THAP12: variants seen among roughly 807,000 people sequenced by gnomAD.
The protein encoded by THAP12 is THAP domain containing 12, also known as 52 kDa repressor of the inhibitor of the protein kinase.
In THAP12, 20 loss-of-function variants were observed where a neutral mutation model predicts 63.0. That is an observed-to-expected ratio of 0.32 (90% CI 0.22 to 0.46). THAP12 has a LOEUF of 0.46. Ranked by LOEUF, THAP12 falls within the 20% of genes least tolerant of loss-of-function variation. The pLI is 1.00. For synonymous variants in THAP12, 264 were observed against 328.4 expected (o/e 0.80, Z 2.12); for missense variants, 568 against 908.2 (o/e 0.63, Z 4.81).
At position 76,351,529 on chromosome 11, in the gene THAP12, T is replaced by C; in HGVS notation, c.1621A>G (p.Asn541Asp). 2 of 1,561,396 alleles carry C rather than the reference T, an allele frequency of 1.3e-6. No individual in the cohort carries two copies. The highest frequency in any genetic ancestry group is 1.9e-5 in the Admixed American group (1 of 52,526). Residue 541 changes from asparagine to aspartate, a missense_variant, in exon 5 of 5, where the codon AAT (asparagine) becomes GAT (aspartate). Asn to Asp is a conservative substitution (Grantham distance 23). Transcript: ENST00000260045. The part of the protein sequence containing the change: ...YHEFWFEEAT[N>D]LATKLDIQMK... The stretch of plus-strand genomic sequence containing the variant: ...TGAATATCAAGTTTGGTTGCCAAAT[T>C]TGTGGCTTCCTCAAACCAAAATTCA...
chr11:76,359,726 C>T (rs1946584886), intron 3 of THAP12, among the ~76,000 whole-genome samples: 1 of 151,232 alleles, frequency 6.6e-6, no homozygotes, highest in Admixed American at 6.7e-5. Flanking sequence ...ACTTGGAAGG[C>T]TGAGGCAGGA....
At chr11:76,359,028 A>T (rs1946580099) in intron 3 of THAP12, 2 of 152,190 alleles carry the variant, frequency 1.3e-5, no homozygotes, top group African/African-American at 4.8e-5. Flanking sequence ...ATTTCTCCTT[A>T]TTTGCAGATG....
rs142685813 is a variant in THAP12 at position 76,352,535 on chromosome 11, C to T, written c.615G>A (p.Leu205=). The T allele has an allele frequency of 1.2e-6, 2 of 1,611,918 alleles. No individual in the cohort carries two copies. Among genetic ancestry groups the T allele is most frequent in the African/African-American group, 2.7e-5 (2 of 74,864 alleles). Residue 205 remains leucine, a synonymous_variant, in exon 5 of 5, where the codon CTG becomes CTA. Transcript: ENST00000260045. ...LFTPDNFQAL[L]ECRINSGEEV... ...CTTCACCAGAATTTATCCGACACTC[C>T]AGCAGTGCCTGAAAGTTATCTGGAG...
chr11:76,380,083 G>A (rs573359783), intron 1 of THAP12, among the ~76,000 whole-genome samples: 30 of 152,264 alleles, frequency 2.0e-4, no homozygotes, highest in African/African-American at 7.0e-4. Context: ...CAGTCCCTAT[G>A]CTATCATTCC....
rs1946536129 is a variant in THAP12 at position 76,352,724 on chromosome 11, T to C, written c.426A>G (p.Glu142=). The C allele has an allele frequency of 4.4e-6, 7 of 1,604,534 alleles. No homozygotes were observed. In the East Asian group the frequency reaches 1.6e-4, roughly 36 times the overall value. ...CCTCATCTTGCCCTTCACCCTCTTC[T>C]TCGCTGGGGTTCTGAGCATTGCTAT... The part of the protein sequence containing the change: ...TNNSNAQNPS[E]EEGEGQDEDI... The change falls in exon 5 of 5, where the codon GAA becomes GAG. Residue 142 remains glutamate (E), a synonymous_variant. Coordinates refer to ENST00000260045, the MANE Select transcript of THAP12 (RefSeq NM_004705.4).
chr11:76,380,379 T>G (rs1946745474), intron 1 of THAP12, among the ~76,000 whole-genome samples: 1 of 152,162 alleles, frequency 6.6e-6, no homozygotes, highest in African/African-American at 2.4e-5. Flanking sequence ...AGTCCTGCTC[T>G]CTTTTGACAG....
At chr11:76,368,961 A>G (rs1946651582) in intron 1 of THAP12, among the ~76,000 whole-genome samples, 1 of 152,244 alleles carries the variant, frequency 6.6e-6, no homozygotes, top group African/African-American at 2.4e-5. Context: ...TAAGAGTGAA[A>G]TGGCAGACCA....
rs560548261 is a variant in THAP12 at position 76,360,691 on chromosome 11, G to A, written c.318+265C>T. Among the ~76,000 whole-genome samples the A allele has an allele frequency of 1.4e-3, 217 of 152,206 alleles. 1 individual carries two copies. Among genetic ancestry groups the A allele is most frequent in the African/African-American group, 5.1e-3 (211 of 41,526 alleles). ...AGCTTTTTCCTTCTTCTCCAGAAGGGAATGAGCTAGTGGCCTGTAATTAAC... is the reference window on the plus strand; with the variant it reads ...AGCTTTTTCCTTCTTCTCCAGAAGGAAATGAGCTAGTGGCCTGTAATTAAC... On this transcript the variant is annotated intron_variant, in intron 3 of 4. Transcript: ENST00000260045.
chr11:76,353,979 A>T (rs1447145488), intron 4 of THAP12, among the ~76,000 whole-genome samples: 1 of 152,268 alleles, frequency 6.6e-6, no homozygotes, highest in Non-Finnish European at 1.5e-5. Context: ...ACTGCACTCC[A>T]GCCTGGGCAA....
At chr11:76,362,999 G>C (rs1400294614) in intron 2 of THAP12, among the ~76,000 whole-genome samples, 2 of 152,016 alleles carry the variant, frequency 1.3e-5, no homozygotes, top group Non-Finnish European at 2.9e-5. Context: ...AAAAATTAGC[G>C]AGGTATGGTG....
chr11:76,376,108 T>C (rs1946708070), intron 1 of THAP12, among the ~76,000 whole-genome samples: 1 of 152,118 alleles, frequency 6.6e-6, no homozygotes, highest in Admixed American at 6.5e-5. Flanking sequence ...TTGGGATAAA[T>C]GAAAAAGTTT....
intron 2 of THAP12, among the ~76,000 whole-genome samples, chr11:76,364,183 A>G (rs1946616582): frequency 6.6e-6 from 1 of 152,222 alleles, no homozygotes; most frequent in Non-Finnish European, 1.5e-5. Flanking sequence ...ATAATTTGGG[A>G]TATTTTTACT....
rs1169169737 is a variant in THAP12 at position 76,351,296 on chromosome 11, A to G, written c.1854T>C (p.Asn618=). 6.9e-6 allele frequency: 11 copies of G among 1,583,312 alleles called. No individual in the cohort carries two copies. In the South Asian group the frequency reaches 1.0e-4, roughly 15 times the overall value. The change falls in exon 5 of 5, where the codon AAT becomes AAC. Residue 618 remains asparagine, a synonymous_variant. Transcript: ENST00000260045. The stretch of plus-strand genomic sequence containing the variant: ...TGTCAGCATGGTGTTCCTCCGACGT[A>G]TTGAATTTGAGTTGTCCCATGACTG... ...VPSVMGQLKF[N]TSEEHHADMY...
At chr11:76,377,943 A>C (rs185036567) in intron 1 of THAP12, among the ~76,000 whole-genome samples, 2 of 152,342 alleles carry the variant, frequency 1.3e-5, no homozygotes, top group African/African-American at 4.8e-5. Flanking sequence ...TTGTTGCTGA[A>C]TTGTAAGAGT....
chr11:76,352,980 G>A (rs1307516238), intron 4 of THAP12, among the ~76,000 whole-genome samples, 186 bp from the exon 5 acceptor site: 1 of 152,122 alleles, frequency 6.6e-6, no homozygotes, highest in Non-Finnish European at 1.5e-5. Context: ...ACATCCTAGT[G>A]GGAGAGACAA....
chr11:76,359,317 T>C (rs1184525815), intron 3 of THAP12: 6 of 152,218 alleles, frequency 3.9e-5, no homozygotes, highest in African/African-American at 1.2e-4. Flanking sequence ...TGTTATTTGA[T>C]AGGTATTTTA....
Position 76,351,669 on chromosome 11 carries a change from C to G in THAP12, c.1481G>C (p.Arg494Thr), listed in dbSNP as rs1946527868. ...CCCCTGGAGGTTTTTCCCAAAGGCT[C>G]TTGTAAAAGATAGGACATTTTTAAG... ...VVLKNVLSFT[R>T]AFGKNLQGQT... is the part of the protein sequence containing the mutation. The change falls in exon 5 of 5, where the codon AGA becomes ACA. Residue 494 changes from arginine (R) to threonine (T), a missense_variant. Transcript: ENST00000260045. 6.3e-7 allele frequency: 1 copy of G among 1,582,212 alleles called. No individual in the cohort carries two copies. The highest frequency in any genetic ancestry group is 1.4e-5 in the African/African-American group (1 of 73,296).
intron 1 of THAP12, among the ~76,000 whole-genome samples, chr11:76,369,018 A>T (rs1946651993): frequency 6.6e-6 from 1 of 152,236 alleles, no homozygotes; most frequent in Non-Finnish European, 1.5e-5. Context: ...ATGGACTCAC[A>T]TTCAAAATAT....
In THAP12 at chr11:76,350,844, A is replaced by G. The variant is rs1278548464; in HGVS notation, c.*20T>C. 3.3e-6 allele frequency: 5 copies of G among 1,510,458 alleles called. No individual in the cohort carries two copies. The African/African-American group carries it at 7.0e-5, about 21-fold the overall frequency. 93.6% of individuals were successfully genotyped at this position (1,510,458 alleles called of 1,614,324 possible). On this transcript the variant is annotated 3_prime_UTR_variant, in exon 5 of 5. Transcript: ENST00000260045. ...TTCTTCCAAATATCAAATATAAGAA[A>G]GCCTATTTTTAAAAGTCTCTTAGGT... is the stretch of plus-strand genomic sequence containing the variant.
Sources: gnomAD v4.1 joint callset for allele counts (sites outside exome capture counted in the v4.1 genomes callset) on GRCh38, gnomAD v4.1.1 for gene constraint, MANE v1.5 for transcripts, NCBI Gene and HGNC (gene_info 2026-07-23, HGNC 2026-07-21) for gene names.